PPP4R4: variants seen among roughly 807,000 people sequenced by gnomAD.
The protein encoded by PPP4R4 is protein phosphatase 4 regulatory subunit 4, also known as serine/threonine-protein phosphatase 4 regulatory subunit 4.
Under a neutral mutation model 121.8 loss-of-function variants are expected in PPP4R4, and 70 were observed. That is an observed-to-expected ratio of 0.57 (90% CI 0.47 to 0.70). The LOEUF is 0.70. PPP4R4 is among the 30% of genes least tolerant of loss of function. PPP4R4 has a pLI of 0.00. For synonymous variants in PPP4R4, 348 were observed against 355.7 expected (o/e 0.98, Z 0.24); for missense variants, 875 against 1,033.6 (o/e 0.85, Z 2.10).
chr14:94,273,411 GA>G (rs1055653321), intron 23 of PPP4R4, among the ~76,000 whole-genome samples: 2 of 152,118 alleles, frequency 1.3e-5, no homozygotes, highest in Admixed American at 1.3e-4. Flanking sequence ...TGGAGAAGAT[GA>G]AACTATGGAG....
chr14:94,275,246 G>T (rs1156274073), intron 23 of PPP4R4, 128 bp from the exon 24 acceptor site: 5 of 1,072,376 alleles, frequency 4.7e-6, no homozygotes, highest in Non-Finnish European at 6.8e-6. Context: ...TTTGTTGTAT[G>T]TAAATTATAC....
chr14:94,174,719 C>G (rs983863914), intron 1 of PPP4R4, 137 bp downstream of exon 1: 129 of 1,417,056 alleles, frequency 9.1e-5, no homozygotes, highest in Non-Finnish European at 1.2e-4. Flanking sequence ...CCGGCCCCTC[C>G]TCCTCCACCC....
intron 3 of PPP4R4, among the ~76,000 whole-genome samples, chr14:94,212,652 C>G (rs905368427): frequency 6.6e-6 from 1 of 151,968 alleles, no homozygotes; most frequent in South Asian, 2.1e-4. Context: ...TAATTTTTTT[C>G]CTGTGATTTT....
At chr14:94,202,726 C>T (rs559704483) in intron 2 of PPP4R4, among the ~76,000 whole-genome samples, 62 of 152,184 alleles carry the variant, frequency 4.1e-4, no homozygotes, top group Non-Finnish European at 7.5e-4. Context: ...CGCCTGTAAT[C>T]CCAGCACTTT....
At chr14:94,225,608 G>A (rs1891653224) in intron 3 of PPP4R4, among the ~76,000 whole-genome samples, 1 of 152,152 alleles carries the variant, frequency 6.6e-6, no homozygotes, top group Non-Finnish European at 1.5e-5. Context: ...GGGTCTCTAG[G>A]TCTCTAGCAC....
intron 16 of PPP4R4, among the ~76,000 whole-genome samples, chr14:94,252,642 A>G (rs904460211): frequency 3.9e-5 from 6 of 152,186 alleles, no homozygotes; most frequent in Non-Finnish European, 8.8e-5. Context: ...AAGAATGTTA[A>G]ACCCTCAGCC....
chr14:94,266,889 C>G (rs1894079502), intron 22 of PPP4R4, 70 bp from the exon 23 acceptor site: 2 of 990,846 alleles, frequency 2.0e-6, no homozygotes, highest in African/African-American at 1.6e-5. Context: ...TAAAACAGCA[C>G]AAGTGTTAGA....
rs554615891 is a variant in PPP4R4 at position 94,189,155 on chromosome 14, T to G, written c.191+13028T>G. 7.2e-4 allele frequency among the ~76,000 whole-genome samples: 110 copies of G among 152,306 alleles called. 1 individual carries two copies. Among genetic ancestry groups the G allele is most frequent in the Non-Finnish European group, 1.0e-3 (69 of 68,024 alleles). Reference sequence around the variant, plus strand: ...ATGAGAGAGATTATAGGATCAATAGTTTTTAAAAATTTGCTCTTGCTTTGT... The same window carrying G: ...ATGAGAGAGATTATAGGATCAATAGGTTTTAAAAATTTGCTCTTGCTTTGT... On this transcript the variant is annotated intron_variant, in intron 2 of 24. Transcript: ENST00000304338.
At chr14:94,246,624 A>G (rs1183598240) in intron 14 of PPP4R4, 85 bp downstream of exon 14, 22 of 1,385,996 alleles carry the variant, frequency 1.6e-5, no homozygotes, top group African/African-American at 4.4e-5. Context: ...TCAAAATAGT[A>G]GAACAAACTC....
intron 16 of PPP4R4, 126 bp downstream of exon 16, chr14:94,252,022 T>C: frequency 1.3e-6 from 1 of 745,164 alleles, no homozygotes. Flanking sequence ...TGCTTTGAAA[T>C]TCTTAGTATT....
At chr14:94,193,622 G>A (rs1235640326) in intron 2 of PPP4R4, among the ~76,000 whole-genome samples, 1 of 152,126 alleles carries the variant, frequency 6.6e-6, no homozygotes, top group Non-Finnish European at 1.5e-5. Context: ...AGGCTGGCAA[G>A]GAGGAAAGTG....
chr14:94,198,022 A>C (rs1889976108), intron 2 of PPP4R4, among the ~76,000 whole-genome samples: 2 of 152,202 alleles, frequency 1.3e-5, no homozygotes, highest in South Asian at 4.1e-4. Context: ...GTTTATGTGA[A>C]CATATGCTGT....
At chr14:94,274,425 GT>G (rs1894521863) in intron 23 of PPP4R4, among the ~76,000 whole-genome samples, 2 of 152,198 alleles carry the variant, frequency 1.3e-5, no homozygotes, top group African/African-American at 4.8e-5. Context: ...ATACAAAGAT[GT>G]CTTTGTAAAA....
intron 3 of PPP4R4, among the ~76,000 whole-genome samples, chr14:94,212,689 T>C (rs1890806572): frequency 6.6e-6 from 1 of 152,158 alleles, no homozygotes; most frequent in South Asian, 2.1e-4. Context: ...TTTTCCACAG[T>C]ATATTAAATT....
chr14:94,211,500 T>C (rs1399615215), intron 3 of PPP4R4, among the ~76,000 whole-genome samples: 2 of 152,234 alleles, frequency 1.3e-5, no homozygotes, highest in East Asian at 3.9e-4. Flanking sequence ...TGGGTGGGAC[T>C]GAGAGAGACA....
At chr14:94,267,691 G>A (rs1397041706) in intron 23 of PPP4R4, among the ~76,000 whole-genome samples, 2 of 152,116 alleles carry the variant, frequency 1.3e-5, no homozygotes, top group South Asian at 2.1e-4. Flanking sequence ...GTGGCTAAAT[G>A]TGTGTTTTTA....
At chr14:94,264,774 A>AT in intron 19 of PPP4R4, 104 bp from the exon 20 acceptor site, 1 of 877,010 alleles carries the variant, frequency 1.1e-6, no homozygotes, top group Non-Finnish European at 1.8e-6. Context: ...TCTTTTAGGC[A>AT]TTTTTATGAA....
Position 94,242,017 on chromosome 14 carries a change from T to A in PPP4R4, c.1146+60T>A. 3 of 1,458,290 alleles carry A rather than the reference T, an allele frequency of 2.1e-6. No homozygotes were observed. In the South Asian group the frequency reaches 3.8e-5, roughly 18 times the overall value. 90.3% of individuals were successfully genotyped at this position (1,458,290 alleles called of 1,614,324 possible). A position where few individuals can be genotyped will look rare whatever the true frequency, so the allele number is the denominator to read the frequency against. ...TTATTATAACTTTAAAATATGTGCA[T>A]AGATGGCATTCAAAATATTGCCATT... On this transcript the variant is annotated intron_variant, in intron 10 of 24. Coordinates refer to ENST00000304338, the MANE Select transcript of PPP4R4 (RefSeq NM_058237.2).
chr14:94,248,345 T>A (rs1893002668), intron 14 of PPP4R4, among the ~76,000 whole-genome samples: 1 of 152,112 alleles, frequency 6.6e-6, no homozygotes. Flanking sequence ...GTAACACATC[T>A]AACCAAGGAG....
Sources: gnomAD v4.1 joint callset for allele counts (sites outside exome capture counted in the v4.1 genomes callset) on GRCh38, gnomAD v4.1.1 for gene constraint, MANE v1.5 for transcripts, NCBI Gene and HGNC (gene_info 2026-07-23, HGNC 2026-07-21) for gene names.